FBXO10: variants seen among roughly 807,000 people sequenced by gnomAD.
The protein encoded by FBXO10 is F-box only protein 10.
In FBXO10, 39 loss-of-function variants were observed where a neutral mutation model predicts 80.7. That is an observed-to-expected ratio of 0.48 (90% CI 0.37 to 0.63). FBXO10 has a LOEUF of 0.63. Ranked by LOEUF, FBXO10 falls within the 30% of genes least tolerant of loss-of-function variation. The pLI is 0.00. For missense variants in FBXO10, 1,025 were observed against 1,269.0 expected, an observed-to-expected ratio of 0.81 and a Z score of 2.92; for synonymous variants, 449 against 489.6, an observed-to-expected ratio of 0.92 and a Z score of 1.09.
At chr9:37,514,092 A>G (rs1306918397) in intron 10 of FBXO10, among the ~76,000 whole-genome samples, 1 of 152,242 alleles carries the variant, frequency 6.6e-6, no homozygotes, top group Non-Finnish European at 1.5e-5. Context: ...TTAAGGCAAC[A>G]CATTGTCTTA....
At chr9:37,536,168 T>A (rs1369203881) in intron 3 of FBXO10, 1 of 152,230 alleles carries the variant, frequency 6.6e-6, no homozygotes, top group Non-Finnish European at 1.5e-5. Flanking sequence ...GCAACACTCA[T>A]GAGTGACCTT....
At chr9:37,518,060 G>T in intron 9 of FBXO10, 65 bp downstream of exon 9, 1 of 1,497,256 alleles carries the variant, frequency 6.7e-7, no homozygotes. Flanking sequence ...CAGAGGCCAC[G>T]AGGACTATCC....
At chr9:37,518,078 G>A in intron 9 of FBXO10, 47 bp downstream of exon 9, 2 of 1,560,634 alleles carry the variant, frequency 1.3e-6, no homozygotes, top group Middle Eastern at 1.7e-4. Flanking sequence ...TCCCAGGGTT[G>A]TGCCCTGTGT....
intron 1 of FBXO10, among the ~76,000 whole-genome samples, chr9:37,570,604 C>G (rs1588864914): frequency 1.3e-5 from 2 of 152,012 alleles, no homozygotes; most frequent in East Asian, 3.9e-4. Context: ...AAAAGAACCT[C>G]TACTAAAACC....
chr9:37,512,436 G>T lies in FBXO10; in HGVS notation c.*111C>A. The T allele has an allele frequency of 8.2e-7, 1 of 1,219,522 alleles. No individual in the cohort carries two copies. Among genetic ancestry groups the T allele is most frequent in the Non-Finnish European group, 1.2e-6 (1 of 867,034 alleles). The allele number at this position is 1,219,522 out of a possible 1,614,324, so 75.5% of individuals were successfully genotyped here. A position where few individuals can be genotyped will look rare whatever the true frequency, so the allele number is the denominator to read the frequency against. ...GAGGTACCGTGTTTTGGAGGCCCGG[G>T]ACCCATTTGTTCGAGGGGGAGGGGG... On this transcript the variant is annotated 3_prime_UTR_variant, in exon 11 of 11. Coordinates refer to ENST00000432825, the MANE Select transcript of FBXO10 (RefSeq NM_012166.3).
chr9:37,567,736 G>T (rs1379323308), intron 1 of FBXO10, among the ~76,000 whole-genome samples: 1 of 151,324 alleles, frequency 6.6e-6, no homozygotes, highest in Non-Finnish European at 1.5e-5. Context: ...CACCATGTTG[G>T]CCAGGCTGGT....
intron 1 of FBXO10, among the ~76,000 whole-genome samples, chr9:37,544,125 C>T (rs1333046052): frequency 3.9e-5 from 6 of 152,158 alleles, no homozygotes; most frequent in African/African-American, 7.2e-5. Flanking sequence ...AAAAATTAGC[C>T]GGGTTTGGGG....
intron 10 of FBXO10, among the ~76,000 whole-genome samples, chr9:37,513,534 G>A (rs1038052968): frequency 1.3e-5 from 2 of 152,012 alleles, no homozygotes; most frequent in Non-Finnish European, 2.9e-5. Context: ...AGACTCAAAA[G>A]ACTACATACT....
chr9:37,511,446 G>A lies in FBXO10; in HGVS notation c.*1101C>T, dbSNP rs1054981239. On this transcript the variant is annotated 3_prime_UTR_variant, in exon 11 of 11. Coordinates refer to ENST00000432825, the MANE Select transcript of FBXO10 (RefSeq NM_012166.3). The stretch of plus-strand genomic sequence containing the variant: ...CACAGTCAGAAGTGGCCCTACCTAC[G>A]GGGAGCACACAGGTGAGTGGGGGGT... 3.9e-5 allele frequency: 6 copies of A among 153,074 alleles called. No individual in the cohort carries two copies. Among genetic ancestry groups the A allele is most frequent in the Admixed American group, 1.3e-4 (2 of 15,290 alleles). The allele number at this position is 153,074 out of a possible 1,614,324, so 9.5% of individuals were successfully genotyped here.
At chr9:37,521,197 T>A (rs1371153452) in intron 8 of FBXO10, among the ~76,000 whole-genome samples, 1 of 152,122 alleles carries the variant, frequency 6.6e-6, no homozygotes, top group East Asian at 1.9e-4. Flanking sequence ...TTGGGATCAG[T>A]CTGCAGAAGG....
intron 2 of FBXO10, among the ~76,000 whole-genome samples, chr9:37,538,777 C>A (rs1487409696): frequency 1.3e-5 from 2 of 151,934 alleles, no homozygotes; most frequent in Non-Finnish European, 2.9e-5. Context: ...AATGACTTCA[C>A]CTCTTTAAGC....
chr9:37,567,397 A>G (rs1822636585), intron 1 of FBXO10, among the ~76,000 whole-genome samples: 1 of 151,610 alleles, frequency 6.6e-6, no homozygotes, highest in Non-Finnish European at 1.5e-5. Context: ...CTCCTGCCTC[A>G]GCCTCCCAAA....
At chr9:37,558,241 G>T (rs1822385000) in intron 1 of FBXO10, among the ~76,000 whole-genome samples, 1 of 152,176 alleles carries the variant, frequency 6.6e-6, no homozygotes, top group Non-Finnish European at 1.5e-5. Context: ...CAGGTGAGAG[G>T]CTTCCATATG....
At chr9:37,572,905 A>T (rs1384523052) in intron 1 of FBXO10, among the ~76,000 whole-genome samples, 1 of 152,254 alleles carries the variant, frequency 6.6e-6, no homozygotes, top group Admixed American at 6.5e-5. Flanking sequence ...AAATTGAGAA[A>T]ACTAAAATCC....
rs1257885675 is a variant in FBXO10, at chr9:37,568,671, T to TGTGGTCTAAGGTCGGAGTTCAC, written c.-7+7518_-7+7539dup. ...GTGGAAAAAGGATAAACGGAGTTCA[T>TGTGGTCTAAGGTCGGAGTTCAC]GTGGTCTAAGGTCGGAGTTCACGTG... On this transcript the variant is annotated intron_variant, in intron 1 of 10. Transcript: ENST00000432825. Among the ~76,000 whole-genome samples the TGTGGTCTAAGGTCGGAGTTCAC allele has an allele frequency of 1.1e-4, 17 of 152,238 alleles. No individual in the cohort carries two copies. In the East Asian group the frequency reaches 2.5e-3, roughly 22 times the overall value.
At chr9:37,521,475 TTTAAA>T (rs1821343305) in intron 8 of FBXO10, 89 bp downstream of exon 8, 2 of 1,350,792 alleles carry the variant, frequency 1.5e-6, no homozygotes, top group Non-Finnish European at 1.9e-6. Flanking sequence ...TACTTTTAAA[TTTAAA>T]TTAAATTAAA....
chr9:37,564,658 T>C (rs142438984), intron 1 of FBXO10, among the ~76,000 whole-genome samples: 2,214 of 152,346 alleles, frequency 0.015, 62 homozygotes, highest in African/African-American at 0.051. Context: ...AACTAACCTA[T>C]TGGATTTTGG....
At chr9:37,565,752 G>A (rs913997897) in intron 1 of FBXO10, among the ~76,000 whole-genome samples, 3 of 152,182 alleles carry the variant, frequency 2.0e-5, no homozygotes, top group African/African-American at 4.8e-5. Flanking sequence ...AGCCCAGCCC[G>A]TCCCCAGAGA....
chr9:37,526,914 G>A (rs1051544241), intron 5 of FBXO10, among the ~76,000 whole-genome samples: 7 of 151,414 alleles, frequency 4.6e-5, no homozygotes, highest in South Asian at 2.1e-4. Flanking sequence ...GCAGTGGCAC[G>A]ATCTCGGCTC....
Sources: allele counts gnomAD v4.1 joint callset (sites outside exome capture counted in the v4.1 genomes callset), GRCh38; gene constraint gnomAD v4.1.1; transcripts MANE v1.5; gene names NCBI Gene and HGNC (gene_info 2026-07-23, HGNC 2026-07-21).